Variants in MRAP observed in about 807,000 individuals in gnomAD.
The protein encoded by MRAP is melanocortin 2 receptor accessory protein, also known as melanocortin-2 receptor accessory protein.
MRAP carries 8 observed loss-of-function variants against 8.7 expected under a neutral mutation model. The ratio of observed to expected loss-of-function variants is 0.92; its 90% CI spans 0.54 to 1.66. The LOEUF (loss-of-function observed/expected upper bound fraction) is 1.66. Ranked by LOEUF, MRAP falls within the 40% of genes most tolerant of loss-of-function variation. MRAP has a pLI of 0.00. For synonymous variants in MRAP, 95 were observed against 95.5 expected (o/e 1.00, Z 0.03); for missense variants, 237 against 217.1 (o/e 1.09, Z -0.58).
rs143325283 is a variant in MRAP at position 32,301,184 on chromosome 21, G to A, written c.106+2107G>A. Among the ~76,000 whole-genome samples the A allele has an allele frequency of 7.1e-4, 108 of 151,808 alleles. No homozygotes were observed. The East Asian group carries it at 0.018, about 26-fold the overall frequency. The stretch of plus-strand genomic sequence containing the variant: ...TCACCGTGTTAGCCAGGATGGTCTC[G>A]ATCTCCTGACCTTGTGATCCACCTG... On this transcript the variant is annotated intron_variant, in intron 1 of 2. Coordinates refer to ENST00000303645, the MANE Select transcript of MRAP (RefSeq NM_001379228.1).
upstream of MRAP, among the ~76,000 whole-genome samples, chr21:32,297,506 C>T (rs1285673537): frequency 6.6e-6 from 1 of 152,168 alleles, no homozygotes; most frequent in African/African-American, 2.4e-5. Flanking sequence ...AAAATCCGTG[C>T]CCTTTCCCAC....
chr21:32,309,082 A>G (rs551540785), intron 2 of MRAP, among the ~76,000 whole-genome samples: 1 of 152,304 alleles, frequency 6.6e-6, no homozygotes, highest in African/African-American at 2.4e-5. Context: ...TGAAGAAAAG[A>G]GGCTTATTTA....
chr21:32,300,299 G>A (rs570880359), intron 1 of MRAP, among the ~76,000 whole-genome samples: 85 of 151,716 alleles, frequency 5.6e-4, no homozygotes, highest in East Asian at 5.3e-3. Flanking sequence ...GGATTACGTC[G>A]TATGTCAGAT....
At position 32,311,947 on chromosome 21, in the gene MRAP, A is replaced by G; in HGVS notation, c.470A>G (p.Lys157Arg). The change falls in exon 3 of 3, where the codon AAG becomes AGG. Residue 157 changes from lysine (K) to arginine (R), a missense_variant. By Grantham distance (26) the Lys-to-Arg change is conservative. Coordinates refer to ENST00000303645, the MANE Select transcript of MRAP (RefSeq NM_001379228.1). ...TLNGGPLVRS[K>R]PSEPPPGDRT... is the part of the protein sequence containing the mutation. The stretch of plus-strand genomic sequence containing the variant: ...AATGGGGGTCCCCTCGTCAGGAGCA[A>G]GCCCAGCGAGCCTCCCCCTGGAGAC... 1 of 1,613,536 alleles carries G rather than the reference A, an allele frequency of 6.2e-7. No homozygotes were observed. Among genetic ancestry groups the G allele is most frequent in the Non-Finnish European group, 8.5e-7 (1 of 1,180,034 alleles).
chr21:32,294,202 C>T (rs2032099764), upstream of MRAP, among the ~76,000 whole-genome samples: 1 of 152,188 alleles, frequency 6.6e-6, no homozygotes, highest in Non-Finnish European at 1.5e-5. Flanking sequence ...GCAAGCTCCA[C>T]CTCCTGGGTT....
chr21:32,297,127 T>C (rs2032154458), upstream of MRAP, among the ~76,000 whole-genome samples: 1 of 152,216 alleles, frequency 6.6e-6, no homozygotes, highest in Non-Finnish European at 1.5e-5. Context: ...ACAGAACTCA[T>C]AAAACTTGCA....
chr21:32,302,571 G>T (rs532991292), intron 1 of MRAP, among the ~76,000 whole-genome samples: 188 of 152,340 alleles, frequency 1.2e-3, no homozygotes, highest in African/African-American at 4.3e-3. Flanking sequence ...CAGTCTACAG[G>T]ACTGGGCTAG....
chr21:32,300,494 C>T (rs1366740247), intron 1 of MRAP, among the ~76,000 whole-genome samples: 2 of 150,884 alleles, frequency 1.3e-5, no homozygotes, highest in African/African-American at 2.4e-5. Flanking sequence ...CGTCCTATGT[C>T]GGATGTGTCA....
upstream of MRAP, among the ~76,000 whole-genome samples, chr21:32,294,832 A>C: frequency 6.6e-6 from 1 of 152,220 alleles, no homozygotes; most frequent in Non-Finnish European, 1.5e-5. Flanking sequence ...ATAAGCTGGT[A>C]TCTCTCTCCA....
upstream of MRAP, chr21:32,298,724 G>T: frequency 2.1e-6 from 1 of 466,818 alleles, no homozygotes; most frequent in Non-Finnish European, 4.0e-6. Context: ...TGCTCTGTGT[G>T]CTTTGGAGTT....
In MRAP at chr21:32,311,954, C is replaced by A. The variant is rs777725817; in HGVS notation, c.477C>A (p.Ser159Arg). Reference protein sequence around the residue: ...NGGPLVRSKPSEPPPGDRTSQ... With the variant: ...NGGPLVRSKPREPPPGDRTSQ... ...GTCCCCTCGTCAGGAGCAAGCCCAGCGAGCCTCCCCCTGGAGACAGGACCT... is the reference window on the plus strand; with the variant it reads ...GTCCCCTCGTCAGGAGCAAGCCCAGAGAGCCTCCCCCTGGAGACAGGACCT... Residue 159 changes from serine to arginine, a missense_variant, in exon 3 of 3, where the codon AGC becomes AGA. Ser to Arg is a moderately radical substitution (Grantham distance 110). Transcript: ENST00000303645. The A allele has an allele frequency of 1.9e-6, 3 of 1,613,430 alleles. No individual in the cohort carries two copies. The highest frequency in any genetic ancestry group is 4.5e-5 in the East Asian group (2 of 44,896).
rs1569026382 is a variant in MRAP, at chr21:32,300,695, C to CGG, written c.106+1618_106+1619insGG. On this transcript the variant is annotated intron_variant, in intron 1 of 2. Coordinates refer to ENST00000303645, the MANE Select transcript of MRAP (RefSeq NM_001379228.1). Reference sequence around the variant, plus strand: ...GTCGGATGTGTCACGCGTCCTATGTCAGGGGCGTCATGCGTCCTATGTCGG... The same window carrying CGG: ...GTCGGATGTGTCACGCGTCCTATGTCGGAGGGGCGTCATGCGTCCTATGTCGG... Among the ~76,000 whole-genome samples the CGG allele has an allele frequency of 4.4e-5, 4 of 91,582 alleles. 1 individual carries two copies. Among genetic ancestry groups the CGG allele is most frequent in the African/African-American group, 2.1e-4 (4 of 19,428 alleles). The allele number at this position is 91,582 out of a possible 152,430, so 60.1% of individuals were successfully genotyped here.
upstream of MRAP, among the ~76,000 whole-genome samples, chr21:32,296,278 G>C (rs2032137219): frequency 6.6e-6 from 1 of 152,134 alleles, no homozygotes; most frequent in African/African-American, 2.4e-5. Context: ...CACATTCTGA[G>C]ATACTGGGGG....
chr21:32,311,577 A>G (rs1175675916), intron 2 of MRAP, 107 bp from the exon 3 acceptor site: 9 of 1,492,706 alleles, frequency 6.0e-6, no homozygotes, highest in African/African-American at 1.4e-5. Flanking sequence ...GGCCTTCCCT[A>G]TGGGGTCCGG....
chr21:32,309,711 G>C (rs2032509646), intron 2 of MRAP, among the ~76,000 whole-genome samples: 1 of 151,250 alleles, frequency 6.6e-6, no homozygotes, highest in East Asian at 2.1e-4. Context: ...GAGAGGCCGA[G>C]GTGGGTGGAT....
downstream of MRAP, chr21:32,314,629 C>T: frequency 4.3e-6 from 7 of 1,614,212 alleles, no homozygotes; most frequent in Non-Finnish European, 5.9e-6. Flanking sequence ...AGCTCCAAGC[C>T]CCTAGAGAGG....
intron 2 of MRAP, among the ~76,000 whole-genome samples, chr21:32,309,513 G>A (rs532754260): frequency 1.3e-5 from 2 of 151,030 alleles, no homozygotes; most frequent in African/African-American, 2.4e-5. Context: ...GTGCAGTGGC[G>A]TGATCTCGGC....
chr21:32,306,926 G>A (rs2069282093), intron 2 of MRAP, 187 bp downstream of exon 2: 3 of 659,936 alleles, frequency 4.5e-6, no homozygotes, highest in Admixed American at 2.1e-5. Flanking sequence ...ATTCCAGCGA[G>A]CATTTCCTTT....
chr21:32,300,970 T>C (rs1481784107), intron 1 of MRAP, among the ~76,000 whole-genome samples: 26 of 144,946 alleles, frequency 1.8e-4, no homozygotes, highest in Admixed American at 1.6e-3. Context: ...ATTTCAAAGA[T>C]GTATCATATT....
Sources: gnomAD v4.1 joint callset for allele counts (sites outside exome capture counted in the v4.1 genomes callset) on GRCh38, gnomAD v4.1.1 for gene constraint, MANE v1.5 for transcripts, NCBI Gene and HGNC (gene_info 2026-07-23, HGNC 2026-07-21) for gene names.